The following WASHC2C variants were observed in gnomAD, a reference collection of about 807,000 sequenced individuals.
The protein encoded by WASHC2C is WASH complex subunit 2C.
A neutral mutation model predicts 142.2 loss-of-function variants in WASHC2C; 73 were observed. The ratio of observed to expected loss-of-function variants is 0.51; its 90% CI spans 0.43 to 0.62. The LOEUF (loss-of-function observed/expected upper bound fraction) is 0.62. Among genes scored for constraint, WASHC2C ranks in the 20% least tolerant of loss-of-function variants. WASHC2C has a pLI of 0.00. For missense variants in WASHC2C, 969 were observed against 1,531.7 expected, an observed-to-expected ratio of 0.63 and a Z score of 6.13; for synonymous variants, 337 against 565.5, an observed-to-expected ratio of 0.60 and a Z score of 5.73.
chr10:45,755,598 A>G (rs1430106390), intron 15 of WASHC2C, among the ~76,000 whole-genome samples: 1,633 of 151,696 alleles, frequency 0.011, no homozygotes, highest in African/African-American at 0.038. Context: ...TTCCTCTTAA[A>G]TGTAAGTCCT....
intron 29 of WASHC2C, 83 bp from the exon 30 acceptor site, chr10:45,790,273 A>G: frequency 6.2e-7 from 1 of 1,602,886 alleles, no homozygotes; most frequent in Non-Finnish European, 8.5e-7. Flanking sequence ...GGCCAATTGC[A>G]TTTCCATAGC....
Position 45,784,640 on chromosome 10 carries a change from CA to C in WASHC2C, c.2558del (p.Lys853ArgfsTer19). On this transcript the variant is annotated frameshift_variant, in exon 24 of 31. Coordinates refer to ENST00000623400, the MANE Select transcript of WASHC2C (RefSeq NM_001330074.2). LOFTEE classifies it high-confidence loss of function. ...AGAGCTGCTTTTCAGCCACAAGCTC[CA>C]AAAGGACAATGACCCAGATGTTGAC... ...DEELLFSHKLQKDNDPDVDLF... is the reference protein window; with the variant it reads ...DEELLFSHKLXKDNDPDVDLF... 3 of 1,609,490 alleles carry C rather than the reference CA, an allele frequency of 1.9e-6. No individual in the cohort carries two copies. In the Admixed American group the frequency reaches 5.0e-5, roughly 27 times the overall value.
intron 5 of WASHC2C, among the ~76,000 whole-genome samples, chr10:45,741,053 T>G (rs1459939819): frequency 2.0e-5 from 3 of 151,648 alleles, no homozygotes; most frequent in Non-Finnish European, 2.9e-5. Context: ...GTTCAAGCGA[T>G]TCTCCTGCCC....
At position 45,776,838 on chromosome 10, in the gene WASHC2C, TGA is replaced by T. The variant is rs1273205782; in HGVS notation, c.2143-433_2143-432del. Among the ~76,000 whole-genome samples, 3 of 118,824 alleles carry T rather than the reference TGA, an allele frequency of 2.5e-5. No homozygotes were observed. In the Admixed American group the frequency reaches 2.6e-4, roughly 10 times the overall value. The allele number at this position is 118,824 out of a possible 152,430, so 78.0% of individuals were successfully genotyped here. On this transcript the variant is annotated intron_variant, in intron 21 of 30. Coordinates refer to ENST00000623400, the MANE Select transcript of WASHC2C (RefSeq NM_001330074.2). ...TAGAGGGATAGAATGGGGTATCTGC[TGA>T]GTGTCATTTGCTTCATGCAAGGAGT...
At chr10:45,741,702 A>G (rs1251224629) in intron 5 of WASHC2C, among the ~76,000 whole-genome samples, 2 of 151,948 alleles carry the variant, frequency 1.3e-5, no homozygotes, top group Non-Finnish European at 2.9e-5. Flanking sequence ...AAGAGATATC[A>G]TTGCCAAAGG....
intron 17 of WASHC2C, among the ~76,000 whole-genome samples, chr10:45,762,666 G>A (rs1235909802): frequency 3.3e-5 from 5 of 152,246 alleles, no homozygotes; most frequent in African/African-American, 1.2e-4. Flanking sequence ...AGCACTTGGG[G>A]AAGCCGAGGC....
intron 19 of WASHC2C, among the ~76,000 whole-genome samples, chr10:45,766,532 C>T (rs201947898): frequency 0.046 from 6,578 of 144,450 alleles, 6 homozygotes; most frequent in African/African-American, 0.083. Flanking sequence ...GCCAAGGTGT[C>T]ATATTTTGAG....
Position 45,755,108 on chromosome 10 carries a change from T to C in WASHC2C, c.1413T>C (p.Ser471=), listed in dbSNP as rs1554876767. Residue 471 remains serine (S), a synonymous_variant, in exon 15 of 31, where the codon TCT becomes TCC. Coordinates refer to ENST00000623400, the MANE Select transcript of WASHC2C (RefSeq NM_001330074.2). ...TCTCGGCACCCCACAGCAAACCTTC[T>C]AAAACACGTATGTGTTCCTGCCTCC... The part of the protein sequence containing the change: ...DFFSAPHSKP[S]KTRKVQSTAD... The C allele has an allele frequency of 1.2e-6, 2 of 1,607,634 alleles. No individual in the cohort carries two copies. The highest frequency in any genetic ancestry group is 1.7e-6 in the Non-Finnish European group (2 of 1,177,782).
rs2135874349 is a variant in WASHC2C, at chr10:45,792,416, C to T, written c.*16C>T. The T allele has an allele frequency of 7.7e-6, 12 of 1,562,780 alleles. 2 individuals carry two copies. The highest frequency in any genetic ancestry group is 2.3e-4 in the Middle Eastern group (1 of 4,356). On this transcript the variant is annotated 3_prime_UTR_variant, in exon 31 of 31. Coordinates refer to ENST00000623400, the MANE Select transcript of WASHC2C (RefSeq NM_001330074.2). Reference sequence around the variant, plus strand: ...AGGCCAGTAGAGCACACAGGGTATCCACATGTTACCCTGCAGCTACATTGT... The same window carrying T: ...AGGCCAGTAGAGCACACAGGGTATCTACATGTTACCCTGCAGCTACATTGT...
chr10:45,756,801 A>T (rs1315828067), intron 15 of WASHC2C, among the ~76,000 whole-genome samples: 1 of 152,172 alleles, frequency 6.6e-6, no homozygotes, highest in Non-Finnish European at 1.5e-5. Context: ...TGGATAAACT[A>T]TCTGTTCTGT....
At position 45,790,493 on chromosome 10, in the gene WASHC2C, A is replaced by G; in HGVS notation, c.3846A>G (p.Lys1282=). 1 of 1,611,282 alleles carries G rather than the reference A, an allele frequency of 6.2e-7. No individual in the cohort carries two copies. The highest frequency in any genetic ancestry group is 8.5e-7 in the Non-Finnish European group (1 of 1,179,600). ...CTGTAAAACCAAAAGAAAAGTCCAA[A>G]AAGAAAGTGGAAGCCAAGTCTATAT... ...DLTVKPKEKS[K]KKVEAKSIFD... is the part of the protein sequence containing the mutation. Residue 1282 remains lysine (K), a synonymous_variant, in exon 30 of 31, where the codon AAA becomes AAG. Coordinates refer to ENST00000623400, the MANE Select transcript of WASHC2C (RefSeq NM_001330074.2).
chr10:45,727,291 CG>C lies in WASHC2C; in HGVS notation c.-25del, dbSNP rs1419225799. The C allele has an allele frequency of 1.3e-6, 2 of 1,558,308 alleles. No individual in the cohort carries two copies. Among genetic ancestry groups the C allele is most frequent in the Admixed American group, 3.9e-5 (2 of 51,404 alleles). On this transcript the variant is annotated 5_prime_UTR_variant, in exon 1 of 31. Transcript: ENST00000623400. Reference sequence around the variant, plus strand: ...GGTCCTCGGCCTGTGCTGGCAGCCTCGGAGCCCACCGAGCCGGGCGGCTGGG... The same window carrying C: ...GGTCCTCGGCCTGTGCTGGCAGCCTCGAGCCCACCGAGCCGGGCGGCTGGG...
In WASHC2C at chr10:45,784,579, T is replaced by G; in HGVS notation, c.2493T>G (p.Asp831Glu). 6.2e-7 allele frequency: 1 copy of G among 1,611,430 alleles called. No individual in the cohort carries two copies. The highest frequency in any genetic ancestry group is 8.5e-7 in the Non-Finnish European group (1 of 1,179,764). ...QKEVGKGCDP[D>E]AHPKSTGVFQ... ...CCTGTTCCCAGGGCTGCGATCCTGA[T>G]GCCCACCCCAAGAGCACAGGTGTCT... Residue 831 changes from aspartate to glutamate, a missense_variant, in exon 24 of 31, where the codon GAT (aspartate) becomes GAG (glutamate). By Grantham distance (45) the Asp-to-Glu change is conservative (BLOSUM62 2). Coordinates refer to ENST00000623400, the MANE Select transcript of WASHC2C (RefSeq NM_001330074.2).
At chr10:45,750,998 G>A (rs1197078296) in intron 10 of WASHC2C, among the ~76,000 whole-genome samples, 160 bp downstream of exon 10, 1 of 151,856 alleles carries the variant, frequency 6.6e-6, no homozygotes, top group African/African-American at 2.4e-5. Flanking sequence ...TCCTTTTTTG[G>A]TTAATGGGCT....
rs569603579 is a variant in WASHC2C at position 45,787,097 on chromosome 10, A to G, written c.2937A>G (p.Val979=). The G allele has an allele frequency of 3.2e-4, 515 of 1,605,786 alleles. 2 individuals are homozygous for G. The Middle Eastern group carries it at 6.1e-3, about 19-fold the overall frequency. ...CAGCGGCTTCCCAGATCTCTGAAGT[A>G]AAGCCTGTTTTGCCAGAATTGGCTT... ...LPTAASQISE[V]KPVLPELAFP... Residue 979 remains valine, a synonymous_variant, in exon 28 of 31, where the codon GTA becomes GTG. Coordinates refer to ENST00000623400, the MANE Select transcript of WASHC2C (RefSeq NM_001330074.2).
At chr10:45,740,917 AGG>A (rs2051945198) in intron 5 of WASHC2C, among the ~76,000 whole-genome samples, 1 of 151,370 alleles carries the variant, frequency 6.6e-6, no homozygotes, top group South Asian at 2.1e-4. Flanking sequence ...GTGACACACA[AGG>A]CCTTCCGAAT....
At chr10:45,790,209 G>T (rs2058317698) in intron 29 of WASHC2C, 147 bp from the exon 30 acceptor site, 5 of 1,332,436 alleles carry the variant, frequency 3.8e-6, no homozygotes, top group Non-Finnish European at 5.2e-6. Flanking sequence ...GCAGAGATCT[G>T]GGGTAGTGCA....
intron 3 of WASHC2C, among the ~76,000 whole-genome samples, chr10:45,732,555 T>C (rs1235981885): frequency 6.6e-6 from 1 of 152,202 alleles, no homozygotes; most frequent in East Asian, 1.9e-4. Context: ...TTTTTCTTTT[T>C]AAAGTCAATT....
intron 30 of WASHC2C, among the ~76,000 whole-genome samples, 194 bp downstream of exon 30, chr10:45,790,727 A>G (rs1189816737): frequency 6.6e-6 from 1 of 152,202 alleles, no homozygotes; most frequent in Non-Finnish European, 1.5e-5. Context: ...TTCCTATGAT[A>G]GTCATCAAAG....
Sources: gnomAD v4.1 joint callset for allele counts (sites outside exome capture counted in the v4.1 genomes callset) on GRCh38, gnomAD v4.1.1 for gene constraint, MANE v1.5 for transcripts, NCBI Gene and HGNC (gene_info 2026-07-23, HGNC 2026-07-21) for gene names.